The following TASP1 variants were observed in gnomAD, a reference collection of about 807,000 sequenced individuals.
TASP1 encodes the protein taspase 1.
In TASP1, 16 loss-of-function variants were observed where a neutral mutation model predicts 56.6. The observed-to-expected ratio is 0.28, with a 90% CI of 0.19 to 0.43. The LOEUF is 0.43. Among genes scored for constraint, TASP1 ranks in the 20% least tolerant of loss-of-function variants. The pLI is 1.00. For missense variants in TASP1, 393 were observed against 511.6 expected (o/e 0.77, Z 2.24); for synonymous variants, 179 against 184.2 (o/e 0.97, Z 0.23).
At chr20:13,356,315 T>TGAACAATAGGAGACTG in the TASP1 span, among the ~76,000 whole-genome samples, 5 of 152,186 alleles carry the variant, frequency 3.3e-5, no homozygotes, top group African/African-American at 1.2e-4. Context: ...ATAGGAGCAA[T>TGAACAATAGGAGACTG]TGTTGTAAAG....
intron 11 of TASP1, among the ~76,000 whole-genome samples, chr20:13,475,409 T>C (rs1376738952): frequency 6.6e-6 from 1 of 152,192 alleles, no homozygotes; most frequent in Non-Finnish European, 1.5e-5. Context: ...GCTATAGATA[T>C]TCTTGTGCAT....
intron 11 of TASP1, among the ~76,000 whole-genome samples, chr20:13,450,388 T>C (rs1171498319): frequency 6.6e-6 from 1 of 152,082 alleles, no homozygotes; most frequent in African/African-American, 2.4e-5. Context: ...CTTTGTAGCA[T>C]GCAATGCTGT....
intron 11 of TASP1, 94 bp from the exon 12 acceptor site, chr20:13,435,248 A>G: frequency 1.1e-6 from 1 of 901,340 alleles, no homozygotes. Flanking sequence ...TGTGGCATGA[A>G]TAAGAAAATG....
chr20:13,390,283 A>C lies in TASP1; in HGVS notation c.*77T>G. ...AATTATAAAACAAGAAAGATAAAAC[A>C]ACCAACTTCAGTTAAAAACCCCCAA... is the stretch of plus-strand genomic sequence containing the variant. On this transcript the variant is annotated 3_prime_UTR_variant, in exon 14 of 14. Coordinates refer to ENST00000337743, the MANE Select transcript of TASP1 (RefSeq NM_017714.3). 3 of 1,321,892 alleles carry C rather than the reference A, an allele frequency of 2.3e-6. No individual in the cohort carries two copies. The highest frequency in any genetic ancestry group is 3.2e-6 in the Non-Finnish European group (3 of 935,480). 81.9% of individuals were successfully genotyped at this position (1,321,892 alleles called of 1,614,324 possible).
chr20:13,271,960 G>A, the TASP1 span, among the ~76,000 whole-genome samples: 1 of 151,992 alleles, frequency 6.6e-6, no homozygotes, highest in Non-Finnish European at 1.5e-5. Context: ...TTAATTTTTT[G>A]TAGAAACAGG....
chr20:13,483,985 A>C (rs2146519134), intron 10 of TASP1, among the ~76,000 whole-genome samples: 1 of 152,338 alleles, frequency 6.6e-6, no homozygotes, highest in African/African-American at 2.4e-5. Context: ...AACCCCATCA[A>C]AAAGTGGGCA....
the TASP1 span, among the ~76,000 whole-genome samples, chr20:13,198,143 T>C: frequency 6.6e-6 from 1 of 152,194 alleles, no homozygotes; most frequent in East Asian, 1.9e-4. Context: ...TTTTGGAATA[T>C]CTAGATTTTT....
chr20:13,256,073 G>A, the TASP1 span, among the ~76,000 whole-genome samples: 1 of 152,042 alleles, frequency 6.6e-6, no homozygotes, highest in Non-Finnish European at 1.5e-5. Flanking sequence ...TGTGTCCTGG[G>A]CCCTGGCTTG....
chr20:13,222,012 C>A, the TASP1 span: 1 of 1,106,422 alleles, frequency 9.0e-7, no homozygotes, highest in Non-Finnish European at 1.2e-6. Context: ...GAGGCAGGTC[C>A]CCTGCCCCAC....
the TASP1 span, among the ~76,000 whole-genome samples, chr20:13,253,042 G>T: frequency 6.6e-6 from 1 of 152,184 alleles, no homozygotes. Flanking sequence ...GACCTGTGTG[G>T]CTTAATTAGA....
the TASP1 span, among the ~76,000 whole-genome samples, chr20:13,211,313 A>G: frequency 6.6e-6 from 1 of 152,176 alleles, no homozygotes; most frequent in Non-Finnish European, 1.5e-5. Flanking sequence ...TTCTGAGACT[A>G]TAACTTGTTT....
the TASP1 span, among the ~76,000 whole-genome samples, chr20:13,189,621 T>C: frequency 6.6e-6 from 1 of 151,988 alleles, no homozygotes; most frequent in East Asian, 1.9e-4. Context: ...TTCATACCAA[T>C]CAGAATGGCT....
intron 10 of TASP1, among the ~76,000 whole-genome samples, chr20:13,514,333 T>C (rs954547572): frequency 2.0e-5 from 3 of 152,016 alleles, no homozygotes; most frequent in Non-Finnish European, 4.4e-5. Flanking sequence ...GAGAGAGAAA[T>C]GGAGAAACAA....
At chr20:13,225,448 T>A in the TASP1 span, among the ~76,000 whole-genome samples, 2 of 152,192 alleles carry the variant, frequency 1.3e-5, no homozygotes, top group Non-Finnish European at 2.9e-5. Flanking sequence ...TACACATACA[T>A]TATATATACA....
the TASP1 span, among the ~76,000 whole-genome samples, chr20:13,129,073 G>A: frequency 6.6e-6 from 1 of 151,752 alleles, no homozygotes; most frequent in Non-Finnish European, 1.5e-5. Flanking sequence ...ATGGGGTCTC[G>A]CCAGATTGGT....
rs78018853 is a variant in TASP1 at position 13,422,468 on chromosome 20, G to C, written c.1097-4947C>G. Among the ~76,000 whole-genome samples, 759 of 152,056 alleles carry C rather than the reference G, an allele frequency of 5.0e-3. 4 individuals carry two copies. Among genetic ancestry groups the C allele is most frequent in the African/African-American group, 0.015 (617 of 41,444 alleles). On this transcript the variant is annotated intron_variant, in intron 12 of 13. Coordinates refer to ENST00000337743, the MANE Select transcript of TASP1 (RefSeq NM_017714.3). Reference sequence around the variant, plus strand: ...ATAGATGTTACTTTAGCACCTTCTGGAGCAGCCTCACATACAGATCAGTGA... The same window carrying C: ...ATAGATGTTACTTTAGCACCTTCTGCAGCAGCCTCACATACAGATCAGTGA...
chr20:13,489,132 G>A (rs1436630433), intron 10 of TASP1, among the ~76,000 whole-genome samples: 1 of 152,046 alleles, frequency 6.6e-6, no homozygotes, highest in Admixed American at 6.6e-5. Context: ...CTCAAACCTA[G>A]GTGAAAGGAA....
In TASP1 at chr20:13,405,473, C is replaced by T. The variant is rs372938171; in HGVS notation, c.1170+11975G>A. 1.6e-3 allele frequency among the ~76,000 whole-genome samples: 242 copies of T among 152,246 alleles called. 1 individual carries two copies. The highest frequency in any genetic ancestry group is 0.01 in the South Asian group (49 of 4,826). ...TTGTAAAGACAATTCTTTCATCTGA[C>T]GACAAACAGCATCCACACTGCTGGT... On this transcript the variant is annotated intron_variant, in intron 13 of 13. Coordinates refer to ENST00000337743, the MANE Select transcript of TASP1 (RefSeq NM_017714.3).
chr20:13,301,473 AAC>A, the TASP1 span, among the ~76,000 whole-genome samples: 1 of 152,280 alleles, frequency 6.6e-6, no homozygotes, highest in Non-Finnish European at 1.5e-5. Flanking sequence ...ACAAGCATGA[AAC>A]ACCATGCCCA....
Sources: gnomAD v4.1 joint callset for allele counts (sites outside exome capture counted in the v4.1 genomes callset) on GRCh38, gnomAD v4.1.1 for gene constraint, MANE v1.5 for transcripts, NCBI Gene and HGNC (gene_info 2026-07-23, HGNC 2026-07-21) for gene names.